Variants in KIF17 observed in about 807,000 individuals in gnomAD.
The protein encoded by KIF17 is kinesin-like protein KIF17.
Under a neutral mutation model 96.8 loss-of-function variants are expected in KIF17, and 80 were observed. That is an observed-to-expected ratio of 0.83 (90% CI 0.69 to 1.00). The LOEUF is 1.00. Ranked by LOEUF, KIF17 falls within the 50% of genes least tolerant of loss-of-function variation. The pLI is 0.00. For synonymous variants in KIF17, 567 were observed against 587.5 expected, an observed-to-expected ratio of 0.97 and a Z score of 0.51; for missense variants, 1,280 against 1,372.9, an observed-to-expected ratio of 0.93 and a Z score of 1.07.
chr1:20,668,092 C>T (rs2053559765), intron 13 of KIF17, among the ~76,000 whole-genome samples: 1 of 151,730 alleles, frequency 6.6e-6, no homozygotes, highest in African/African-American at 2.4e-5. Flanking sequence ...GGGCAGATCA[C>T]GAGGTCAGGA....
In KIF17 at chr1:20,709,633, G is replaced by C; in HGVS notation, c.670+6C>G. 4 of 1,613,816 alleles carry C rather than the reference G, an allele frequency of 2.5e-6. No homozygotes were observed. The highest frequency in any genetic ancestry group is 3.4e-6 in the Non-Finnish European group (4 of 1,179,960). ...TCCCCCTGCCCCCAACAATGGCCTC[G>C]CATACCCACGGCAGACATCTCGATG... On this transcript the variant is annotated splice_donor_region_variant and intron_variant, in intron 4 of 14. Coordinates refer to ENST00000400463, the MANE Select transcript of KIF17 (RefSeq NM_001122819.3). This position sits in a 1 kb window ranked among gnomAD's most constrained non-coding sequence, Gnocchi z 4.7.
chr1:20,694,852 C>T (rs2054106230), intron 6 of KIF17, among the ~76,000 whole-genome samples: 2 of 152,184 alleles, frequency 1.3e-5, no homozygotes, highest in Admixed American at 6.5e-5. Context: ...CTGCCCTCCT[C>T]ACCAGCTGGC....
Position 20,685,107 on chromosome 1 carries a change from GC to G in KIF17, c.2020-88del. The G allele has an allele frequency of 9.8e-7, 1 of 1,017,866 alleles. No individual in the cohort carries two copies. Among genetic ancestry groups the G allele is most frequent in the Non-Finnish European group, 1.5e-6 (1 of 660,500 alleles). The allele number at this position is 1,017,866 out of a possible 1,614,324, so 63.1% of individuals were successfully genotyped here. A position where few individuals can be genotyped will look rare whatever the true frequency, so the allele number is the denominator to read the frequency against. ...CCCAGGTGGCTCAATCCCAGACGGGGCCATTCCGCCTGCTGCAGCCCCGACA... is the reference window on the plus strand; with the variant it reads ...CCCAGGTGGCTCAATCCCAGACGGGGCATTCCGCCTGCTGCAGCCCCGACA... On this transcript the variant is annotated intron_variant, in intron 9 of 14. Coordinates refer to ENST00000400463, the MANE Select transcript of KIF17 (RefSeq NM_001122819.3). This position sits in a 1 kb window ranked among gnomAD's most constrained non-coding sequence, Gnocchi z 4.1.
chr1:20,717,150 G>A (rs1378123628), intron 1 of KIF17, among the ~76,000 whole-genome samples: 2 of 152,172 alleles, frequency 1.3e-5, no homozygotes, highest in Non-Finnish European at 2.9e-5. Flanking sequence ...CCAACATGGT[G>A]AAACCCCATC....
chr1:20,709,515 C>T lies in KIF17; in HGVS notation c.670+124G>A. The T allele has an allele frequency of 9.4e-7, 1 of 1,062,872 alleles. No individual in the cohort carries two copies. The allele number at this position is 1,062,872 out of a possible 1,614,324, so 65.8% of individuals were successfully genotyped here. On this transcript the variant is annotated intron_variant, in intron 4 of 14. Transcript: ENST00000400463. This position sits in a 1 kb window ranked among gnomAD's most constrained non-coding sequence, Gnocchi z 4.7. ...CCCAAGGGTCCTCTTGGGTTTCCTC[C>T]AGGCTGTTAGAGCATCTCTTCCCAC... is the stretch of plus-strand genomic sequence containing the variant.
chr1:20,665,615 T>C (rs1017481594), intron 14 of KIF17, among the ~76,000 whole-genome samples: 8 of 151,826 alleles, frequency 5.3e-5, no homozygotes, highest in Non-Finnish European at 1.2e-4. Flanking sequence ...TGGCCAGGCT[T>C]GTCTTGAACT....
rs137916833 is a variant in KIF17 at position 20,686,102 on chromosome 1, C to T, written c.1963G>A (p.Glu655Lys). The T allele has an allele frequency of 3.9e-4, 607 of 1,568,010 alleles. 2 individuals carry two copies. The African/African-American group carries it at 4.5e-3, about 12-fold the overall frequency. ...GCTTCGGGCCTGGCATCACTGGGCT[C>T]CAGCAGGTCTGTCGGCGCAGGGACC... ...VQVPAPTDLL[E>K]PSDARPEAEA... The change falls in exon 9 of 15, where the codon GAG becomes AAG. Residue 655 changes from glutamate (E) to lysine (K), a missense_variant. Physicochemically the swap from Glu to Lys is moderately conservative, Grantham distance 56. Coordinates refer to ENST00000400463, the MANE Select transcript of KIF17 (RefSeq NM_001122819.3).
Position 20,671,900 on chromosome 1 carries a change from G to A in KIF17, c.2722+38C>T, listed in dbSNP as rs199739557. 6 of 1,605,820 alleles carry A rather than the reference G, an allele frequency of 3.7e-6. No individual in the cohort carries two copies. In the Admixed American group the frequency reaches 1.0e-4, roughly 27 times the overall value. On this transcript the variant is annotated intron_variant, in intron 12 of 14. Transcript: ENST00000400463. The stretch of plus-strand genomic sequence containing the variant: ...AGTCTGCAGGATGGTAAGCCGTGAA[G>A]GAGGGAGGGGAGGGCAAGGGCCAGC...
In KIF17 at chr1:20,714,065, C is replaced by T. The variant is rs181848144; in HGVS notation, c.379-510G>A. ...TAGCTAGGCCAAGCGCGGTGGCTCA[C>T]GCCTGCAATCCCAGCACTTTGGGAG... On this transcript the variant is annotated intron_variant, in intron 2 of 14. Transcript: ENST00000400463. Among the ~76,000 whole-genome samples, 17 of 152,102 alleles carry T rather than the reference C, an allele frequency of 1.1e-4. No individual in the cohort carries two copies. The East Asian group carries it at 2.5e-3, about 23-fold the overall frequency.
At chr1:20,701,149 C>T (rs188288563) in intron 5 of KIF17, among the ~76,000 whole-genome samples, 57 of 152,212 alleles carry the variant, frequency 3.7e-4, no homozygotes, top group Non-Finnish European at 6.6e-4. Flanking sequence ...AATTAAGACA[C>T]GAGGCCAGGC....
Position 20,704,434 on chromosome 1 carries a change from A to T in KIF17, c.1123+13T>A. 1.2e-6 allele frequency: 2 copies of T among 1,611,340 alleles called. No individual in the cohort carries two copies. Among genetic ancestry groups the T allele is most frequent in the Non-Finnish European group, 1.7e-6 (2 of 1,178,298 alleles). The stretch of plus-strand genomic sequence containing the variant: ...GACCTGGCCCTCCCGCCACTACCCC[A>T]ACGTGGTCCCACCTGACAGGCTGCT... On this transcript the variant is annotated intron_variant, in intron 5 of 14. Transcript: ENST00000400463. This position sits in a 1 kb window ranked among gnomAD's most constrained non-coding sequence, Gnocchi z 6.8.
Position 20,717,933 on chromosome 1 carries a change from G to T in KIF17, c.-227C>A, listed in dbSNP as rs1211172209. On this transcript the variant is annotated 5_prime_UTR_variant, in exon 1 of 15. Transcript: ENST00000400463. ...GCCGCTTCCTCCCGCGCCCGGGCTCGCCCGTTTCTGAGGCCCGGCCCGAGC... is the reference window on the plus strand; with the variant it reads ...GCCGCTTCCTCCCGCGCCCGGGCTCTCCCGTTTCTGAGGCCCGGCCCGAGC... 5.5e-6 allele frequency: 1 copy of T among 181,746 alleles called. No individual in the cohort carries two copies. Among genetic ancestry groups the T allele is most frequent in the African/African-American group, 2.4e-5 (1 of 42,054 alleles). 11.3% of individuals were successfully genotyped at this position (181,746 alleles called of 1,614,324 possible). A position where few individuals can be genotyped will look rare whatever the true frequency, so the allele number is the denominator to read the frequency against.
chr1:20,696,741 C>T (rs2054147945), intron 6 of KIF17, among the ~76,000 whole-genome samples: 2 of 152,096 alleles, frequency 1.3e-5, no homozygotes, highest in South Asian at 4.1e-4. Flanking sequence ...GCTGTGACTC[C>T]GTGTGTGACT....
chr1:20,690,347 G>GCCCC lies in KIF17; in HGVS notation c.1234-13_1234-12insGGGG. 4.5e-6 allele frequency: 6 copies of GCCCC among 1,323,460 alleles called. No homozygotes were observed. Among genetic ancestry groups the GCCCC allele is most frequent in the Non-Finnish European group, 5.2e-6 (5 of 953,980 alleles). 82.0% of individuals were successfully genotyped at this position (1,323,460 alleles called of 1,614,324 possible). On this transcript the variant is annotated splice_polypyrimidine_tract_variant and intron_variant, in intron 6 of 14. Transcript: ENST00000400463. ...CGCTCTTCATACTCCTGGGGGGGTG[G>GCCCC]GAGGGACCAGAGGGCAGGCAGCATT... is the stretch of plus-strand genomic sequence containing the variant.
Position 20,672,218 on chromosome 1 carries a change from C to G in KIF17, c.2464-22G>C. On this transcript the variant is annotated intron_variant, in intron 11 of 14. Transcript: ENST00000400463. This position sits in a 1 kb window ranked among gnomAD's most constrained non-coding sequence, Gnocchi z 4.3. ...GAAGCTGAAAGCAAAGGATGACAAGCAGTGAGCAGGGAAAGATACCTCCCC... is the reference window on the plus strand; with the variant it reads ...GAAGCTGAAAGCAAAGGATGACAAGGAGTGAGCAGGGAAAGATACCTCCCC... 3.1e-6 allele frequency: 5 copies of G among 1,613,556 alleles called. No individual in the cohort carries two copies. Among genetic ancestry groups the G allele is most frequent in the Non-Finnish European group, 4.2e-6 (5 of 1,179,926 alleles).
intron 11 of KIF17, among the ~76,000 whole-genome samples, chr1:20,676,027 CAAAAAAAGGAAAAAG>C (rs1479923459): frequency 6.6e-6 from 1 of 151,140 alleles, no homozygotes; most frequent in Non-Finnish European, 1.5e-5. Flanking sequence ...GACTCTGTCT[CAAAAAAAGGAAAAAG>C]AAAAAAAGAA....
intron 10 of KIF17, among the ~76,000 whole-genome samples, chr1:20,684,189 T>A (rs2154535851): frequency 6.6e-6 from 1 of 152,332 alleles, no homozygotes; most frequent in Middle Eastern, 3.4e-3. Context: ...CTGCCTGTCC[T>A]CCGCCCTGGC....
rs1447038764 is a variant in KIF17 at position 20,712,524 on chromosome 1, G to A, written c.480+930C>T. On this transcript the variant is annotated intron_variant, in intron 3 of 14. Coordinates refer to ENST00000400463, the MANE Select transcript of KIF17 (RefSeq NM_001122819.3). ...AGCTTGGGCAACGCAGCGAGACCTT[G>A]TCATATATATATCTATATTATAGAT... Among the ~76,000 whole-genome samples, 3 of 122,590 alleles carry A rather than the reference G, an allele frequency of 2.4e-5. 1 individual carries two copies. The highest frequency in any genetic ancestry group is 5.1e-5 in the Non-Finnish European group (3 of 59,112). The allele number at this position is 122,590 out of a possible 152,430, so 80.4% of individuals were successfully genotyped here.
In KIF17 at chr1:20,664,287, A is replaced by T. The variant is rs1263339702; in HGVS notation, c.*297T>A. On this transcript the variant is annotated 3_prime_UTR_variant, in exon 15 of 15. Transcript: ENST00000400463. ...CTCAGGCTTTGAGGCAAAGACCAACACTGGTGGGCATGGGTGTGGGCTCTG... is the reference window on the plus strand; with the variant it reads ...CTCAGGCTTTGAGGCAAAGACCAACTCTGGTGGGCATGGGTGTGGGCTCTG... The T allele has an allele frequency of 4.6e-6, 6 of 1,309,344 alleles. No homozygotes were observed. The highest frequency in any genetic ancestry group is 5.9e-6 in the Non-Finnish European group (6 of 1,014,802). 81.1% of individuals were successfully genotyped at this position (1,309,344 alleles called of 1,614,324 possible).
Sources: allele counts gnomAD v4.1 joint callset (sites outside exome capture counted in the v4.1 genomes callset), GRCh38; gene constraint gnomAD v4.1.1; non-coding constraint Gnocchi (gnomAD v3.1); transcripts MANE v1.5; gene names NCBI Gene and HGNC (gene_info 2026-07-23, HGNC 2026-07-21).